MPP4: variants seen among roughly 807,000 people sequenced by gnomAD.
The protein encoded by MPP4 is MAGUK p55 scaffold protein 4, also known as MAGUK p55 subfamily member 4.
In MPP4, 91 loss-of-function variants were observed where a neutral mutation model predicts 98.3. That is an observed-to-expected ratio of 0.93 (90% CI 0.78 to 1.10). The LOEUF is 1.10. Among genes scored for constraint, MPP4 ranks in the 50% least tolerant of loss-of-function variants. The pLI, the probability that MPP4 is intolerant of heterozygous loss-of-function variation, is 0.00. For missense variants in MPP4, 744 were observed against 792.9 expected, an observed-to-expected ratio of 0.94 and a Z score of 0.74; for synonymous variants, 261 against 271.8, an observed-to-expected ratio of 0.96 and a Z score of 0.39.
At chr2:201,681,135 C>T (rs966230432) in intron 9 of MPP4, 101 bp from the exon 10 acceptor site, 20 of 1,166,312 alleles carry the variant, frequency 1.7e-5, no homozygotes, top group Non-Finnish European at 2.4e-6. Flanking sequence ...ATTTCTCCCA[C>T]TCCTCCACCT....
chr2:201,645,220 T>C lies in MPP4; in HGVS notation c.1904A>G (p.Glu635Gly). The C allele has an allele frequency of 1.2e-6, 2 of 1,612,394 alleles. No homozygotes were observed. Reference sequence around the variant, plus strand: ...ATTAAACAAGAAGTCTCATTGAGACTCAGTATCTGAGGAAATCCATGTTGC... The same window carrying C: ...ATTAAACAAGAAGTCTCATTGAGACCCAGTATCTGAGGAAATCCATGTTGC... ...VPATWISSDTESQ is the reference protein window; with the variant it reads ...VPATWISSDTGSQ The change falls in exon 22 of 22, where the codon GAG becomes GGG. Residue 635 changes from glutamate (E) to glycine (G), a missense_variant. Physicochemically the swap from Glu to Gly is moderately conservative, Grantham distance 98 (BLOSUM62 -2). Coordinates refer to ENST00000409474, the MANE Select transcript of MPP4 (RefSeq NM_033066.3).
At chr2:201,669,793 C>A in intron 11 of MPP4, 43 bp from the exon 12 acceptor site, 1 of 1,343,476 alleles carries the variant, frequency 7.4e-7, no homozygotes, top group Non-Finnish European at 9.7e-7. Context: ...ATAAAAAGAA[C>A]ACAGTATCTG....
Position 201,656,215 on chromosome 2 carries a change from C to A in MPP4, c.1283G>T (p.Arg428Leu). 1 of 1,604,986 alleles carries A rather than the reference C, an allele frequency of 6.2e-7. No homozygotes were observed. The highest frequency in any genetic ancestry group is 8.5e-7 in the Non-Finnish European group (1 of 1,175,758). ...RYQRRPSDKY[R>L]LIVLMGPSGV... ...GGACATACCCATGAGCACTATGAGGCGGTACTTGTCTGAAGGGCGTCGCTG... is the reference window on the plus strand; with the variant it reads ...GGACATACCCATGAGCACTATGAGGAGGTACTTGTCTGAAGGGCGTCGCTG... Residue 428 changes from arginine (R) to leucine (L), a missense_variant, in exon 17 of 22, where the codon CGC becomes CTC. Arg to Leu is a moderately radical substitution (Grantham distance 102). Transcript: ENST00000409474.
chr2:201,654,703 T>C (rs1228506302), intron 18 of MPP4, 134 bp downstream of exon 18: 2 of 490,352 alleles, frequency 4.1e-6, no homozygotes, highest in South Asian at 7.7e-5. Context: ...AAAATAAATA[T>C]GGTTAGAAAT....
chr2:201,690,233 G>A lies in MPP4; in HGVS notation c.248C>T (p.Ala83Val). The change falls in exon 4 of 22, where the codon GCC (alanine) becomes GTC (valine). Residue 83 changes from alanine to valine, a missense_variant. By Grantham distance (64) the Ala-to-Val change is moderately conservative. Transcript: ENST00000409474. ...QEFKEKKLVP[A>V]TPHAQVLSYE... ...GGATAACACCTGTGCATGTGGTGTG[G>A]CAGGAACTAGTTTCTTTTCTTTAAA... is the stretch of plus-strand genomic sequence containing the variant. The A allele has an allele frequency of 1.9e-6, 3 of 1,609,770 alleles. No homozygotes were observed. Among genetic ancestry groups the A allele is most frequent in the Non-Finnish European group, 1.7e-6 (2 of 1,177,972 alleles).
At chr2:201,679,286 C>T (rs565520751) in intron 10 of MPP4, among the ~76,000 whole-genome samples, 16 of 152,190 alleles carry the variant, frequency 1.1e-4, no homozygotes, top group South Asian at 8.3e-4. Context: ...AATCTGGACC[C>T]GCACCCCAGA....
At chr2:201,669,922 T>C (rs1688293359) in intron 11 of MPP4, among the ~76,000 whole-genome samples, 172 bp from the exon 12 acceptor site, 1 of 152,200 alleles carries the variant, frequency 6.6e-6, no homozygotes, top group Non-Finnish European at 1.5e-5. Context: ...AAATGATAAA[T>C]GAATACTTTA....
Position 201,675,280 on chromosome 2 carries a change from G to T in MPP4, c.930-9C>A, listed in dbSNP as rs1158495457. Reference sequence around the variant, plus strand: ...AGAATTCCCGTTGCTTCCTATGGGGGGGAAAAAACCATGCGACAAAAAACA... The same window carrying T: ...AGAATTCCCGTTGCTTCCTATGGGGTGGAAAAAACCATGCGACAAAAAACA... On this transcript the variant is annotated splice_polypyrimidine_tract_variant and intron_variant, in intron 10 of 21. Transcript: ENST00000409474. 6.2e-7 allele frequency: 1 copy of T among 1,605,212 alleles called. No homozygotes were observed. The highest frequency in any genetic ancestry group is 1.3e-5 in the African/African-American group (1 of 74,844).
intron 9 of MPP4, 46 bp from the exon 10 acceptor site, chr2:201,681,080 G>A (rs1223403855): frequency 2.5e-6 from 4 of 1,572,644 alleles, no homozygotes; most frequent in East Asian, 2.3e-5. Context: ...GCCTAATGGT[G>A]CCATCCGAAG....
rs1003088203 is a variant in MPP4 at position 201,676,473 on chromosome 2, C to T, written c.930-1202G>A. Among the ~76,000 whole-genome samples the T allele has an allele frequency of 7.2e-5, 11 of 152,274 alleles. 1 individual carries two copies. Among genetic ancestry groups the T allele is most frequent in the Admixed American group, 4.6e-4 (7 of 15,292 alleles). On this transcript the variant is annotated intron_variant, in intron 10 of 21. Transcript: ENST00000409474. ...TCCCCACTTTTGAAATGGGGCTCAG[C>T]GCATTTGGCATCGTGAGGACTAAAT...
chr2:201,678,502 A>T (rs1688578310), intron 10 of MPP4, among the ~76,000 whole-genome samples: 1 of 151,610 alleles, frequency 6.6e-6, no homozygotes, highest in East Asian at 1.9e-4. Flanking sequence ...CAAGAGGGGG[A>T]TGTTTCCTCT....
At chr2:201,668,629 C>A (rs778905613) in intron 12 of MPP4, among the ~76,000 whole-genome samples, 15 of 152,168 alleles carry the variant, frequency 9.9e-5, no homozygotes, top group African/African-American at 1.4e-4. Flanking sequence ...GAACCTTAAT[C>A]TTAGACTTCC....
intron 15 of MPP4, 71 bp downstream of exon 15, chr2:201,660,261 T>C: frequency 1.5e-6 from 2 of 1,321,260 alleles, no homozygotes; most frequent in Non-Finnish European, 2.2e-6. Flanking sequence ...CAGTCAAGTA[T>C]TCATTTTTGA....
intron 16 of MPP4, among the ~76,000 whole-genome samples, chr2:201,657,598 TTTGTTTTTTTG>T (rs1227409719): frequency 3.4e-5 from 4 of 117,092 alleles, no homozygotes; most frequent in Non-Finnish European, 5.3e-5. Flanking sequence ...TTGTTTTTTT[TTTGTTTTTTTG>T]TTTTTTTTTG....
chr2:201,677,873 T>C (rs1688552939), intron 10 of MPP4, among the ~76,000 whole-genome samples: 1 of 152,208 alleles, frequency 6.6e-6, no homozygotes, highest in Non-Finnish European at 1.5e-5. Context: ...TACTGACTTC[T>C]CAAAAGCCAC....
intron 5 of MPP4, among the ~76,000 whole-genome samples, chr2:201,686,694 C>T (rs2597905): frequency 0.6 from 90,669 of 151,922 alleles, 27,198 homozygotes; most frequent in Middle Eastern, 0.65. Flanking sequence ...CTAAGTAGTG[C>T]GTGCCGTTGA....
intron 16 of MPP4, among the ~76,000 whole-genome samples, chr2:201,657,608 T>TTTTTTTTTTTTTTTTTTTG (rs773956676): frequency 8.0e-6 from 1 of 125,290 alleles, no homozygotes; most frequent in Non-Finnish European, 1.7e-5. Context: ...TTTGTTTTTT[T>TTTTTTTTTTTTTTTTTTTG]GTTTTTTTTT....
Position 201,645,083 on chromosome 2 carries a change from T to C in MPP4, c.*127A>G. ...AAAAATTTTTTTCAAATAAGATTAATTAATAAATTGCTGCACTTTTAAAGT... is the reference window on the plus strand; with the variant it reads ...AAAAATTTTTTTCAAATAAGATTAACTAATAAATTGCTGCACTTTTAAAGT... On this transcript the variant is annotated 3_prime_UTR_variant, in exon 22 of 22. Transcript: ENST00000409474. 1.2e-6 allele frequency: 1 copy of C among 832,742 alleles called. No homozygotes were observed. The highest frequency in any genetic ancestry group is 1.7e-6 in the Non-Finnish European group (1 of 599,972). The allele number at this position is 832,742 out of a possible 1,614,324, so 51.6% of individuals were successfully genotyped here.
At chr2:201,664,490 C>A (rs1300251799) in intron 13 of MPP4, among the ~76,000 whole-genome samples, 2 of 151,672 alleles carry the variant, frequency 1.3e-5, no homozygotes, top group Admixed American at 1.3e-4. Context: ...GAGGGGTGCA[C>A]CCTGCCTGAA....
Sources: allele counts gnomAD v4.1 joint callset (sites outside exome capture counted in the v4.1 genomes callset), GRCh38; gene constraint gnomAD v4.1.1; transcripts MANE v1.5; gene names NCBI Gene and HGNC (gene_info 2026-07-23, HGNC 2026-07-21).